The following PSMA8 variants were observed in gnomAD, a reference collection of about 807,000 sequenced individuals.
PSMA8 encodes the protein proteasome 20S subunit alpha 8.
In PSMA8, 18 loss-of-function variants were observed where a neutral mutation model predicts 32.4. The ratio of observed to expected loss-of-function variants is 0.56; its 90% CI spans 0.38 to 0.82. The LOEUF (loss-of-function observed/expected upper bound fraction) is 0.82. PSMA8 is among the 40% of genes least tolerant of loss of function. PSMA8 has a pLI of 0.00. For missense variants in PSMA8, 298 were observed against 300.7 expected (o/e 0.99, Z 0.07); for synonymous variants, 104 against 98.1 (o/e 1.06, Z -0.36).
At chr18:26,139,578 C>G (rs750150752) in intron 1 of PSMA8, among the ~76,000 whole-genome samples, 2 of 152,166 alleles carry the variant, frequency 1.3e-5, no homozygotes, top group Non-Finnish European at 2.9e-5. Flanking sequence ...CATTGTTTCT[C>G]TCCCCTGTTA....
intron 4 of PSMA8, among the ~76,000 whole-genome samples, chr18:26,167,298 A>G (rs2055188105): frequency 6.6e-6 from 1 of 152,208 alleles, no homozygotes; most frequent in African/African-American, 2.4e-5. Flanking sequence ...ATAATAACAT[A>G]TTGCAATATG....
At chr18:26,165,209 G>A (rs768976713) in intron 4 of PSMA8, among the ~76,000 whole-genome samples, 10 of 152,234 alleles carry the variant, frequency 6.6e-5, no homozygotes, top group South Asian at 4.1e-4. Flanking sequence ...ACACCTGGCC[G>A]AGAACAACTT....
intron 3 of PSMA8, among the ~76,000 whole-genome samples, chr18:26,156,641 G>A (rs2055091300): frequency 1.3e-5 from 2 of 148,590 alleles, no homozygotes; most frequent in African/African-American, 2.5e-5. Flanking sequence ...AGCATACTGT[G>A]TGTGTATATA....
chr18:26,179,523 C>A (rs76508344), intron 6 of PSMA8, among the ~76,000 whole-genome samples: 3 of 152,198 alleles, frequency 2.0e-5, no homozygotes, highest in Admixed American at 6.5e-5. Flanking sequence ...AGCACGATAA[C>A]CTTTCCATAT....
chr18:26,191,125 A>T (rs909899703), intron 6 of PSMA8, among the ~76,000 whole-genome samples: 2 of 152,190 alleles, frequency 1.3e-5, no homozygotes, highest in African/African-American at 4.8e-5. Flanking sequence ...GGCCAAATAT[A>T]ATTTAGCTTT....
chr18:26,181,517 A>T (rs1275874668), intron 6 of PSMA8, among the ~76,000 whole-genome samples: 3 of 152,204 alleles, frequency 2.0e-5, no homozygotes, highest in Non-Finnish European at 4.4e-5. Flanking sequence ...AGTTTTAAAT[A>T]AAAAAACTAG....
At position 26,192,852 on chromosome 18, in the gene PSMA8, T is replaced by C. The variant is rs2055415244; in HGVS notation, c.*441T>C. On this transcript the variant is annotated 3_prime_UTR_variant, in exon 7 of 7. Transcript: ENST00000415576. ...TCTCAAAGAATGACAAAAGCATCCT[T>C]ATACTGATGAGTTCTTAAAATTTTG... is the stretch of plus-strand genomic sequence containing the variant. 6.6e-6 allele frequency: 1 copy of C among 152,236 alleles called. No individual in the cohort carries two copies. Among genetic ancestry groups the C allele is most frequent in the Non-Finnish European group, 1.5e-5 (1 of 68,038 alleles). 9.4% of individuals were successfully genotyped at this position (152,236 alleles called of 1,614,324 possible). A position where few individuals can be genotyped will look rare whatever the true frequency, so the allele number is the denominator to read the frequency against.
At chr18:26,154,944 T>C (rs1171236680) in intron 3 of PSMA8, among the ~76,000 whole-genome samples, 1 of 151,918 alleles carries the variant, frequency 6.6e-6, no homozygotes, top group African/African-American at 2.4e-5. Flanking sequence ...AATGATTCAT[T>C]AGTCTAGGCA....
At chr18:26,143,571 C>T (rs2054976482) in intron 1 of PSMA8, among the ~76,000 whole-genome samples, 1 of 152,082 alleles carries the variant, frequency 6.6e-6, no homozygotes, top group Admixed American at 6.6e-5. Flanking sequence ...GTGAGCTTGT[C>T]GTAGACCTTA....
chr18:26,136,112 T>C (rs993057096), intron 1 of PSMA8, among the ~76,000 whole-genome samples: 1 of 152,202 alleles, frequency 6.6e-6, no homozygotes, highest in African/African-American at 2.4e-5. Context: ...AAAAATTATA[T>C]GGGCCACAAT....
chr18:26,133,960 T>C lies in PSMA8; in HGVS notation c.-6T>C. On this transcript the variant is annotated 5_prime_UTR_variant, in exon 1 of 7. Coordinates refer to ENST00000415576, the MANE Select transcript of PSMA8 (RefSeq NM_001025096.2). ...GCTCGGTGGCAAGCCCTTGTAGTCC[T>C]GTGCGATGGCGTCTCGATATGACAG... 1 of 1,612,656 alleles carries C rather than the reference T, an allele frequency of 6.2e-7. No homozygotes were observed. Among genetic ancestry groups the C allele is most frequent in the South Asian group, 1.1e-5 (1 of 91,040 alleles).
intron 4 of PSMA8, among the ~76,000 whole-genome samples, chr18:26,173,094 C>CT (rs1174462691): frequency 1.3e-5 from 2 of 152,174 alleles, no homozygotes; most frequent in African/African-American, 4.8e-5. Flanking sequence ...GGTCACCTCT[C>CT]TGTTCAAAAT....
intron 4 of PSMA8, among the ~76,000 whole-genome samples, chr18:26,162,798 G>A (rs1017755608): frequency 4.6e-5 from 7 of 151,976 alleles, no homozygotes; most frequent in Non-Finnish European, 8.8e-5. Flanking sequence ...CCCAGGAGGC[G>A]GAGCTTGCAG....
intron 4 of PSMA8, among the ~76,000 whole-genome samples, chr18:26,159,963 G>A (rs140814078): frequency 9.5e-4 from 144 of 152,070 alleles, no homozygotes; most frequent in African/African-American, 3.2e-3. Context: ...TATGTATTTG[G>A]CAGCTGAGAT....
chr18:26,155,435 T>C (rs1286048214), intron 3 of PSMA8, among the ~76,000 whole-genome samples: 1 of 152,136 alleles, frequency 6.6e-6, no homozygotes, highest in Non-Finnish European at 1.5e-5. Context: ...CAAAATAGCA[T>C]GGTGCTTTTG....
chr18:26,170,458 G>C (rs1317334052), intron 4 of PSMA8, among the ~76,000 whole-genome samples: 2 of 130,862 alleles, frequency 1.5e-5, no homozygotes, highest in Non-Finnish European at 3.0e-5. Context: ...TCAAGGACTG[G>C]CAAGAGTGCC....
chr18:26,155,994 T>G (rs1056524883), intron 3 of PSMA8, among the ~76,000 whole-genome samples: 2 of 152,030 alleles, frequency 1.3e-5, no homozygotes, highest in African/African-American at 2.4e-5. Flanking sequence ...AATGGGCAAA[T>G]GAACTGAATA....
At chr18:26,171,432 T>C (rs1225178519) in intron 4 of PSMA8, 5 of 981,714 alleles carry the variant, frequency 5.1e-6, no homozygotes, top group Non-Finnish European at 7.6e-6. Flanking sequence ...ATTAAATTTT[T>C]AAAAAATTTT....
chr18:26,184,920 C>T lies in PSMA8; in HGVS notation c.660+5790C>T, dbSNP rs1161454726. The stretch of plus-strand genomic sequence containing the variant: ...TAGCCATCATGGTAAAACCCTATCT[C>T]TACTAAAAATACAAAAAATTAGCCA... On this transcript the variant is annotated intron_variant, in intron 6 of 6. Coordinates refer to ENST00000415576, the MANE Select transcript of PSMA8 (RefSeq NM_001025096.2). 4.0e-5 allele frequency among the ~76,000 whole-genome samples: 6 copies of T among 149,134 alleles called. 1 individual carries two copies. The highest frequency in any genetic ancestry group is 7.4e-5 in the Non-Finnish European group (5 of 67,374).
Sources: gnomAD v4.1 joint callset for allele counts (sites outside exome capture counted in the v4.1 genomes callset) on GRCh38, gnomAD v4.1.1 for gene constraint, MANE v1.5 for transcripts, NCBI Gene and HGNC (gene_info 2026-07-23, HGNC 2026-07-21) for gene names.